RTN3: variants seen among roughly 807,000 people sequenced by gnomAD.
The protein encoded by RTN3 is reticulon 3, also known as reticulon-3.
RTN3 carries 49 observed loss-of-function variants against 77.8 expected under a neutral mutation model. The ratio of observed to expected loss-of-function variants is 0.63; its 90% CI spans 0.50 to 0.80. The LOEUF is 0.80. Among genes scored for constraint, RTN3 ranks in the 30% least tolerant of loss-of-function variants. The pLI is 0.00. For synonymous variants in RTN3, 464 were observed against 446.9 expected (o/e 1.04, Z -0.48); for missense variants, 1,236 against 1,211.9 (o/e 1.02, Z -0.29).
At chr11:63,704,650 T>C (rs1942409727) in intron 1 of RTN3, among the ~76,000 whole-genome samples, 1 of 152,126 alleles carries the variant, frequency 6.6e-6, no homozygotes, top group African/African-American at 2.4e-5. Context: ...GATTAACTTT[T>C]AGAAATGCAT....
intron 3 of RTN3, among the ~76,000 whole-genome samples, chr11:63,722,211 G>C: frequency 6.6e-6 from 1 of 152,080 alleles, no homozygotes; most frequent in East Asian, 1.9e-4. Flanking sequence ...CTATGTAGAG[G>C]TCTGTGGTTT....
At chr11:63,737,025 A>T (rs1565335501) in intron 3 of RTN3, among the ~76,000 whole-genome samples, 1 of 149,400 alleles carries the variant, frequency 6.7e-6, no homozygotes, top group Non-Finnish European at 1.5e-5. Context: ...CCTAAGCCAG[A>T]GTGCAGTTTT....
chr11:63,732,701 A>G (rs2012780942), intron 3 of RTN3, among the ~76,000 whole-genome samples: 1 of 152,128 alleles, frequency 6.6e-6, no homozygotes, highest in Non-Finnish European at 1.5e-5. Context: ...CAGTATCAAA[A>G]CTCTTTCCAC....
intron 1 of RTN3, among the ~76,000 whole-genome samples, chr11:63,701,256 A>G (rs1203270861): frequency 1.3e-5 from 2 of 151,956 alleles, no homozygotes; most frequent in East Asian, 1.9e-4. Flanking sequence ...GCTCTTTTCC[A>G]GAATGTCATA....
intron 2 of RTN3, chr11:63,714,032 G>C: frequency 1.9e-6 from 1 of 518,680 alleles, no homozygotes; most frequent in Non-Finnish European, 3.8e-6. Context: ...AAGAGTCTTT[G>C]CTTATCGGAG....
At chr11:63,734,781 A>ACACACCCCC (rs778043704) in intron 3 of RTN3, among the ~76,000 whole-genome samples, 4 of 105,000 alleles carry the variant, frequency 3.8e-5, no homozygotes, top group Non-Finnish European at 8.1e-5. Context: ...ACACACACAC[A>ACACACCCCC]CCATACTGGA....
At chr11:63,712,964 G>A (rs991328114) in intron 2 of RTN3, among the ~76,000 whole-genome samples, 3 of 151,978 alleles carry the variant, frequency 2.0e-5, no homozygotes, top group Non-Finnish European at 4.4e-5. Context: ...GCCTGGTGGC[G>A]CATGCCTGTA....
At position 63,704,854 on chromosome 11, in the gene RTN3, C is replaced by T. The variant is rs758581559; in HGVS notation, c.146C>T (p.Ser49Phe). 1.9e-6 allele frequency: 3 copies of T among 1,608,928 alleles called. No homozygotes were observed. The highest frequency in any genetic ancestry group is 1.7e-5 in the Admixed American group (1 of 59,994). ...TKSCSSSCAD[S>F]FVSSSSSQPV... ...CATGCTGTATATTTTCTTTCAGATT[C>T]CTTTGTTTCTTCCTCTTCCTCTCAG... The change falls in exon 2 of 9, where the codon TCC (serine) becomes TTC (phenylalanine). Residue 49 changes from serine to phenylalanine, a missense_variant. Ser to Phe is a radical substitution (Grantham distance 155). Coordinates refer to ENST00000377819, the MANE Select transcript of RTN3 (RefSeq NM_001265589.2).
intron 3 of RTN3, among the ~76,000 whole-genome samples, chr11:63,740,836 G>A (rs143636720): frequency 6.6e-6 from 1 of 152,246 alleles, no homozygotes; most frequent in East Asian, 1.9e-4. Flanking sequence ...GCAGAGGTTG[G>A]CAGTCAAATG....
At chr11:63,687,442 CCCTGCCTCTA>C (rs1941433824) in intron 1 of RTN3, among the ~76,000 whole-genome samples, 1 of 152,066 alleles carries the variant, frequency 6.6e-6, no homozygotes, top group African/African-American at 2.4e-5. Context: ...CATGGTGAAA[CCCTGCCTCTA>C]TTAAAGATAC....
chr11:63,748,902 A>C (rs1168875994), intron 3 of RTN3, among the ~76,000 whole-genome samples: 1 of 151,800 alleles, frequency 6.6e-6, no homozygotes, highest in Non-Finnish European at 1.5e-5. Flanking sequence ...TCCTGACCTC[A>C]GGTGATCCGC....
intron 3 of RTN3, among the ~76,000 whole-genome samples, chr11:63,730,219 G>A (rs1259403195): frequency 3.3e-5 from 5 of 151,998 alleles, no homozygotes; most frequent in South Asian, 2.1e-4. Context: ...CACCCTCCTC[G>A]GCCTCCCAAA....
At chr11:63,715,679 AC>A (rs1347805230) in intron 2 of RTN3, among the ~76,000 whole-genome samples, 4 of 145,376 alleles carry the variant, frequency 2.8e-5, no homozygotes, top group Non-Finnish European at 4.7e-5. Context: ...CAAAAAACAC[AC>A]AAAAAAACAT....
chr11:63,727,340 C>G (rs1240716571), intron 3 of RTN3, among the ~76,000 whole-genome samples: 2 of 152,092 alleles, frequency 1.3e-5, no homozygotes, highest in Non-Finnish European at 2.9e-5. Flanking sequence ...GAAAAAGAGA[C>G]AATCGATAGA....
chr11:63,708,657 G>T (rs779256870), intron 2 of RTN3, among the ~76,000 whole-genome samples: 1 of 152,194 alleles, frequency 6.6e-6, no homozygotes, highest in Non-Finnish European at 1.5e-5. Context: ...AGCTACATAA[G>T]CTAGGAAGTT....
At chr11:63,739,401 C>T (rs752268634) in intron 3 of RTN3, among the ~76,000 whole-genome samples, 3 of 152,158 alleles carry the variant, frequency 2.0e-5, no homozygotes, top group Non-Finnish European at 4.4e-5. Flanking sequence ...CCCTGTAGGA[C>T]TTTAGGAAGA....
At chr11:63,709,152 G>A (rs1002387090) in intron 2 of RTN3, among the ~76,000 whole-genome samples, 1 of 152,118 alleles carries the variant, frequency 6.6e-6, no homozygotes, top group Non-Finnish European at 1.5e-5. Context: ...AAATAAACTA[G>A]CTGTATTTTA....
intron 3 of RTN3, among the ~76,000 whole-genome samples, chr11:63,727,715 C>T (rs80161843): frequency 0.035 from 5,342 of 152,172 alleles, 315 homozygotes; most frequent in African/African-American, 0.12. Flanking sequence ...GTCTGTAATC[C>T]CACCACTTCA....
chr11:63,694,771 A>G (rs574077327), intron 1 of RTN3, among the ~76,000 whole-genome samples: 6 of 152,246 alleles, frequency 3.9e-5, no homozygotes, highest in Non-Finnish European at 7.4e-5. Context: ...AACCAATTTC[A>G]TATCTACATA....
Sources: allele counts gnomAD v4.1 joint callset (sites outside exome capture counted in the v4.1 genomes callset), GRCh38; gene constraint gnomAD v4.1.1; transcripts MANE v1.5; gene names NCBI Gene and HGNC (gene_info 2026-07-23, HGNC 2026-07-21).